Variants in BRIP1 observed in about 807,000 individuals in gnomAD.
BRIP1 encodes the protein BRCA1 interacting DNA helicase 1, also known as Fanconi anemia group J protein.
Under a neutral mutation model 119.7 loss-of-function variants are expected in BRIP1, and 88 were observed. The ratio of observed to expected loss-of-function variants is 0.74; its 90% CI spans 0.62 to 0.88. The LOEUF (loss-of-function observed/expected upper bound fraction) is 0.88, where lower values mean the gene tolerates loss of function less well. BRIP1 is among the 40% of genes least tolerant of loss of function. The pLI, the probability that BRIP1 is intolerant of heterozygous loss-of-function variation, is 0.00. For synonymous variants in BRIP1, 443 were observed against 496.5 expected (o/e 0.89, Z 1.43); for missense variants, 1,259 against 1,455.4 (o/e 0.87, Z 2.20).
Position 61,857,269 on chromosome 17 carries a change from T to A in BRIP1, c.206-38A>T. 1.5e-5 allele frequency: 23 copies of A among 1,524,860 alleles called. No homozygotes were observed. Among genetic ancestry groups the A allele is most frequent in the Non-Finnish European group, 2.1e-5 (23 of 1,115,750 alleles). 94.5% of individuals were successfully genotyped at this position (1,524,860 alleles called of 1,614,324 possible). On this transcript the variant is annotated intron_variant, in intron 3 of 19. Transcript: ENST00000259008. The surrounding 1 kb of genome is among the most constrained non-coding windows in gnomAD (Gnocchi z 5.1). ...GAACATCTATTTATAATATATCTAA[T>A]TAAATAAACATCAATCATTCTCTAC... is the stretch of plus-strand genomic sequence containing the variant.
Position 61,699,881 on chromosome 17 carries a change from T to A in BRIP1, c.2493-6369A>T, listed in dbSNP as rs1240739176. Among the ~76,000 whole-genome samples the A allele has an allele frequency of 6.6e-6, 1 of 152,234 alleles. No individual in the cohort carries two copies. The highest frequency in any genetic ancestry group is 1.5e-5 in the Non-Finnish European group (1 of 68,036). On this transcript the variant is annotated intron_variant, in intron 17 of 19. Transcript: ENST00000259008. This position sits in a 1 kb window ranked among gnomAD's most constrained non-coding sequence, Gnocchi z 4.8. ...CAGCCCCAGTAAAATCCCTGGGTGC[T>A]AATGAGTTCCTCTGATTGGAAATAT...
chr17:61,683,354 A>C lies in BRIP1; in HGVS notation c.3692T>G (p.Ile1231Arg), dbSNP rs780578438. 2 of 1,611,546 alleles carry C rather than the reference A, an allele frequency of 1.2e-6. No individual in the cohort carries two copies. Among genetic ancestry groups the C allele is most frequent in the Admixed American group, 3.3e-5 (2 of 59,838 alleles). Residue 1231 changes from isoleucine (I) to arginine (R), a missense_variant, in exon 20 of 20, where the codon ATA (isoleucine) becomes AGA (arginine). Ile to Arg is a moderately conservative substitution (Grantham distance 97, BLOSUM62 -3). Transcript: ENST00000259008. The surrounding 1 kb of genome is among the most constrained non-coding windows in gnomAD (Gnocchi z 4.7). Reference sequence around the variant, plus strand: ...GGAAGGAGATGGTTTAAAGTTCTTTATTTCTATTTCATGAGTTTTTCCCAG... The same window carrying C: ...GGAAGGAGATGGTTTAAAGTTCTTTCTTTCTATTTCATGAGTTTTTCCCAG... ...LELGKTHEIE[I>R]KNFKPSPSKN...
rs1285073085 is a variant in BRIP1, at chr17:61,828,691, AGAAGT to A, written c.627+18405_627+18409del. 6.6e-6 allele frequency among the ~76,000 whole-genome samples: 1 copy of A among 152,216 alleles called. No homozygotes were observed. The highest frequency in any genetic ancestry group is 1.5e-5 in the Non-Finnish European group (1 of 68,020). On this transcript the variant is annotated intron_variant, in intron 6 of 19. Transcript: ENST00000259008. This position sits in a 1 kb window ranked among gnomAD's most constrained non-coding sequence, Gnocchi z 4.1. ...TTGGACCTACAAAATGAAGGGCACCAGAAGTGAAAAACTGGAGGGTTAAGAAAGAA... is the reference window on the plus strand; with the variant it reads ...TTGGACCTACAAAATGAAGGGCACCAGAAAAACTGGAGGGTTAAGAAAGAA...
rs1370783389 is a variant in BRIP1 at position 61,710,067 on chromosome 17, T to C, written c.2492+5884A>G. Among the ~76,000 whole-genome samples, 2 of 152,102 alleles carry C rather than the reference T, an allele frequency of 1.3e-5. No individual in the cohort carries two copies. Among genetic ancestry groups the C allele is most frequent in the African/African-American group, 4.8e-5 (2 of 41,418 alleles). ...TTTTTAATTTAAAAAATTTTACTTA[T>C]TGATTGGTTTTAAAGGGTAAGTTCC... On this transcript the variant is annotated intron_variant, in intron 17 of 19. Coordinates refer to ENST00000259008, the MANE Select transcript of BRIP1 (RefSeq NM_032043.3). The surrounding 1 kb of genome is among the most constrained non-coding windows in gnomAD (Gnocchi z 5.4).
rs2078378865 is a variant in BRIP1, at chr17:61,824,692, C to T, written c.628-15935G>A. On this transcript the variant is annotated intron_variant, in intron 6 of 19. Transcript: ENST00000259008. This position sits in a 1 kb window ranked among gnomAD's most constrained non-coding sequence, Gnocchi z 4.3. ...AAACCTTAAATATAAAAGCTAAAAC[C>T]ATAAAACTTTTCCAAAAGCACTGGT... Among the ~76,000 whole-genome samples, 1 of 152,052 alleles carries T rather than the reference C, an allele frequency of 6.6e-6. No individual in the cohort carries two copies.
Position 61,837,422 on chromosome 17 carries a change from G to C in BRIP1, c.627+9679C>G, listed in dbSNP as rs944426658. ...AGAAGGTCAACAGCGCACTCTGCTG[G>C]ACCCAAGTGTCTTCCACACACCAGG... On this transcript the variant is annotated intron_variant, in intron 6 of 19. Transcript: ENST00000259008. Among the ~76,000 whole-genome samples the C allele has an allele frequency of 7.9e-5, 12 of 152,040 alleles. No individual in the cohort carries two copies. In the East Asian group the frequency reaches 2.3e-3, roughly 29 times the overall value.
chr17:61,786,332 C>T (rs919883312), intron 10 of BRIP1, among the ~76,000 whole-genome samples: 3 of 151,732 alleles, frequency 2.0e-5, no homozygotes, highest in African/African-American at 7.3e-5. Flanking sequence ...GAAGCAGAAC[C>T]CACGTTATTT....
In BRIP1 at chr17:61,857,978, A is replaced by T. The variant is rs2078920879; in HGVS notation, c.206-747T>A. On this transcript the variant is annotated intron_variant, in intron 3 of 19. Transcript: ENST00000259008. This position sits in a 1 kb window ranked among gnomAD's most constrained non-coding sequence, Gnocchi z 5.1. ...TAATCTAACACATAAGGGTTAAATC[A>T]TTCCCCCAATTATACTTCTATTTCA... Among the ~76,000 whole-genome samples the T allele has an allele frequency of 6.6e-6, 1 of 152,164 alleles. No homozygotes were observed. The highest frequency in any genetic ancestry group is 6.5e-5 in the Admixed American group (1 of 15,272).
rs1365537834 is a variant in BRIP1 at position 61,793,211 on chromosome 17, T to C, written c.1473+386A>G. Among the ~76,000 whole-genome samples the C allele has an allele frequency of 6.6e-6, 1 of 152,092 alleles. No homozygotes were observed. Among genetic ancestry groups the C allele is most frequent in the Non-Finnish European group, 1.5e-5 (1 of 68,024 alleles). On this transcript the variant is annotated intron_variant, in intron 10 of 19. Coordinates refer to ENST00000259008, the MANE Select transcript of BRIP1 (RefSeq NM_032043.3). This position sits in a 1 kb window ranked among gnomAD's most constrained non-coding sequence, Gnocchi z 5.2. Reference sequence around the variant, plus strand: ...ATAGTCTTCCAAAGCCTACTCATGATCTCTCCATGAATATCAGGTTTATAA... The same window carrying C: ...ATAGTCTTCCAAAGCCTACTCATGACCTCTCCATGAATATCAGGTTTATAA...
chr17:61,731,528 A>G (rs1356679769), intron 16 of BRIP1, among the ~76,000 whole-genome samples: 3 of 152,222 alleles, frequency 2.0e-5, no homozygotes, highest in African/African-American at 7.2e-5. Context: ...CCATTCTCTC[A>G]GACTCACAAC....
intron 17 of BRIP1, among the ~76,000 whole-genome samples, chr17:61,697,400 C>T (rs1030404218): frequency 1.5e-5 from 2 of 135,892 alleles, no homozygotes; most frequent in African/African-American, 5.4e-5. Flanking sequence ...GATATATTCT[C>T]AGTATTTTGT....
At chr17:61,712,380 A>G (rs1286200959) in intron 17 of BRIP1, among the ~76,000 whole-genome samples, 1 of 151,752 alleles carries the variant, frequency 6.6e-6, no homozygotes, top group African/African-American at 2.4e-5. Flanking sequence ...TGCCCAGCTA[A>G]TTTTTGTATT....
In BRIP1 at chr17:61,760,546, T is replaced by G. The variant is rs988628041; in HGVS notation, c.2097+15855A>C. Among the ~76,000 whole-genome samples, 5 of 151,488 alleles carry G rather than the reference T, an allele frequency of 3.3e-5. No homozygotes were observed. Among genetic ancestry groups the G allele is most frequent in the African/African-American group, 1.2e-4 (5 of 41,330 alleles). The stretch of plus-strand genomic sequence containing the variant: ...GAAATCAACAAACCTTTAGCTAGAT[T>G]AACAAGAAAAAAAGAGAATATTCAA... On this transcript the variant is annotated intron_variant, in intron 14 of 19. Coordinates refer to ENST00000259008, the MANE Select transcript of BRIP1 (RefSeq NM_032043.3). The surrounding 1 kb of genome is among the most constrained non-coding windows in gnomAD (Gnocchi z 4.6).
rs908180450 is a variant in BRIP1, at chr17:61,754,839, A to G, written c.2098-10248T>C. On this transcript the variant is annotated intron_variant, in intron 14 of 19. Coordinates refer to ENST00000259008, the MANE Select transcript of BRIP1 (RefSeq NM_032043.3). The surrounding 1 kb of genome is among the most constrained non-coding windows in gnomAD (Gnocchi z 4.1). The stretch of plus-strand genomic sequence containing the variant: ...ATGAAGTTTTCTGGTGTCTCTTCTT[A>G]TAAGAACACTAATCCTATCAGATAA... Among the ~76,000 whole-genome samples the G allele has an allele frequency of 6.6e-6, 1 of 152,092 alleles. No individual in the cohort carries two copies. The highest frequency in any genetic ancestry group is 1.9e-4 in the East Asian group (1 of 5,174).
chr17:61,849,281 C>T lies in BRIP1; in HGVS notation c.380-25G>A, dbSNP rs1053525373. 9 of 1,587,972 alleles carry T rather than the reference C, an allele frequency of 5.7e-6. No individual in the cohort carries two copies. In the African/African-American group the frequency reaches 1.2e-4, roughly 22 times the overall value. On this transcript the variant is annotated intron_variant, in intron 4 of 19. Coordinates refer to ENST00000259008, the MANE Select transcript of BRIP1 (RefSeq NM_032043.3). Reference sequence around the variant, plus strand: ...TCTTATATAAGTAATTTAAAAAAAACAGCATAAATAACTTACAGGTAGGCA... The same window carrying T: ...TCTTATATAAGTAATTTAAAAAAAATAGCATAAATAACTTACAGGTAGGCA...
Position 61,808,317 on chromosome 17 carries a change from G to A in BRIP1, c.918+150C>T. On this transcript the variant is annotated intron_variant, in intron 7 of 19. Coordinates refer to ENST00000259008, the MANE Select transcript of BRIP1 (RefSeq NM_032043.3). This position sits in a 1 kb window ranked among gnomAD's most constrained non-coding sequence, Gnocchi z 4.1. ...AAACTTGACTAAAGATTTTATTACAGGAAAATTGTTTTTTAAAAGATATCA... is the reference window on the plus strand; with the variant it reads ...AAACTTGACTAAAGATTTTATTACAAGAAAATTGTTTTTTAAAAGATATCA... 2.5e-6 allele frequency: 2 copies of A among 790,198 alleles called. No homozygotes were observed. Among genetic ancestry groups the A allele is most frequent in the Non-Finnish European group, 4.0e-6 (2 of 500,634 alleles). 48.9% of individuals were successfully genotyped at this position (790,198 alleles called of 1,614,324 possible).
intron 3 of BRIP1, among the ~76,000 whole-genome samples, chr17:61,858,484 C>T (rs952951316): frequency 1.3e-5 from 2 of 151,982 alleles, no homozygotes; most frequent in Non-Finnish European, 1.5e-5. Context: ...AGTGATTCTC[C>T]TGTCTCAGCC....
chr17:61,859,843 C>T lies in BRIP1; in HGVS notation c.158G>A (p.Ser53Asn), dbSNP rs751182362. 6.2e-7 allele frequency: 1 copy of T among 1,613,992 alleles called. No homozygotes were observed. Among genetic ancestry groups the T allele is most frequent in the Non-Finnish European group, 8.5e-7 (1 of 1,179,930 alleles). Residue 53 changes from serine to asparagine, a missense_variant, in exon 3 of 20, where the codon AGC (serine) becomes AAC (asparagine). Physicochemically the swap from Ser to Asn is conservative, Grantham distance 46 (BLOSUM62 1). Coordinates refer to ENST00000259008, the MANE Select transcript of BRIP1 (RefSeq NM_032043.3). ...TAAAGCAGAACAAAGTAAGGCTAAG[C>T]TTTTTCCACTTCCTGTGGGACTCTC... ...LLESPTGSGK[S>N]LALLCSALAW...
chr17:61,820,023 C>CAAAATTA (rs1156517145), intron 6 of BRIP1, among the ~76,000 whole-genome samples: 22 of 148,326 alleles, frequency 1.5e-4, no homozygotes, highest in African/African-American at 4.7e-4. Flanking sequence ...ATGTACCCAC[C>CAAAATTA]AAAATTAAAA....
Sources: allele counts gnomAD v4.1 joint callset (sites outside exome capture counted in the v4.1 genomes callset), GRCh38; gene constraint gnomAD v4.1.1; non-coding constraint Gnocchi (gnomAD v3.1); transcripts MANE v1.5; gene names NCBI Gene and HGNC (gene_info 2026-07-23, HGNC 2026-07-21).